GRXCR1: variants seen among roughly 807,000 people sequenced by gnomAD.
GRXCR1 encodes glutaredoxin domain-containing cysteine-rich protein 1.
GRXCR1 carries 27 observed loss-of-function variants against 27.3 expected under a neutral mutation model. The ratio of observed to expected loss-of-function variants is 0.99; its 90% CI spans 0.73 to 1.37. The LOEUF is 1.37. Among genes scored for constraint, GRXCR1 ranks in the 40% most tolerant of loss-of-function variants. The pLI is 0.00. For synonymous variants in GRXCR1, 122 were observed against 131.1 expected, an observed-to-expected ratio of 0.93 and a Z score of 0.47; for missense variants, 379 against 354.4, an observed-to-expected ratio of 1.07 and a Z score of -0.56.
chr4:42,967,806 G>A (rs989764672), intron 2 of GRXCR1, among the ~76,000 whole-genome samples: 4 of 151,980 alleles, frequency 2.6e-5, no homozygotes, highest in Non-Finnish European at 4.4e-5. Context: ...TGTTTCTTAA[G>A]GTTTTCTAGT....
intron 2 of GRXCR1, among the ~76,000 whole-genome samples, chr4:42,972,354 A>C (rs796593173): frequency 6.6e-6 from 1 of 152,108 alleles, no homozygotes; most frequent in Non-Finnish European, 1.5e-5. Flanking sequence ...TTTGGATCTT[A>C]TTTGGTAATA....
intron 2 of GRXCR1, among the ~76,000 whole-genome samples, chr4:43,015,687 A>G (rs1712908804): frequency 6.6e-6 from 1 of 151,868 alleles, no homozygotes; most frequent in Admixed American, 6.6e-5. Flanking sequence ...CTATTTTATT[A>G]TACTATGTTA....
intron 2 of GRXCR1, among the ~76,000 whole-genome samples, chr4:43,014,394 A>G (rs537080690): frequency 6.6e-6 from 1 of 152,142 alleles, no homozygotes; most frequent in South Asian, 2.1e-4. Context: ...TAGTCACAGC[A>G]ACAAACATTT....
At chr4:42,900,892 C>T (rs116706559) in intron 1 of GRXCR1, among the ~76,000 whole-genome samples, 1 of 152,084 alleles carries the variant, frequency 6.6e-6, no homozygotes, top group Non-Finnish European at 1.5e-5. Flanking sequence ...CTAATCCATG[C>T]CACAGGGCAA....
At chr4:42,906,193 A>G (rs1421765495) in intron 1 of GRXCR1, among the ~76,000 whole-genome samples, 1 of 152,146 alleles carries the variant, frequency 6.6e-6, no homozygotes, top group Non-Finnish European at 1.5e-5. Flanking sequence ...ACAGTTTTTC[A>G]TTAACAGCAG....
intron 1 of GRXCR1, among the ~76,000 whole-genome samples, chr4:42,949,361 A>T (rs1454517347): frequency 6.7e-6 from 1 of 150,314 alleles, no homozygotes; most frequent in Non-Finnish European, 1.5e-5. Context: ...TCTCAAAAAA[A>T]AAAAAAAAAA....
At chr4:42,963,345 CA>C (rs1748171462) in intron 2 of GRXCR1, among the ~76,000 whole-genome samples, 1 of 151,930 alleles carries the variant, frequency 6.6e-6, no homozygotes. Context: ...ATAAAATCAA[CA>C]AGAAACTGCA....
chr4:42,947,306 T>C (rs1236061102), intron 1 of GRXCR1, among the ~76,000 whole-genome samples: 2 of 151,940 alleles, frequency 1.3e-5, no homozygotes, highest in African/African-American at 2.4e-5. Flanking sequence ...ACCAGACATG[T>C]CAGGGAAAAC....
At chr4:43,001,755 C>T (rs1271415944) in intron 2 of GRXCR1, among the ~76,000 whole-genome samples, 4 of 152,208 alleles carry the variant, frequency 2.6e-5, no homozygotes, top group Non-Finnish European at 2.9e-5. Context: ...TCCAGGGGAC[C>T]GGTGCTCCAG....
At chr4:42,937,775 T>A (rs1382944261) in intron 1 of GRXCR1, among the ~76,000 whole-genome samples, 1 of 152,018 alleles carries the variant, frequency 6.6e-6, no homozygotes, top group East Asian at 1.9e-4. Context: ...CATATGTTTT[T>A]AAAGTTTTTA....
At chr4:42,964,370 C>T (rs993475471) in intron 2 of GRXCR1, among the ~76,000 whole-genome samples, 2 of 151,936 alleles carry the variant, frequency 1.3e-5, no homozygotes, top group Non-Finnish European at 2.9e-5. Flanking sequence ...GCACTGGGGT[C>T]AGACAGACTT....
chr4:42,984,638 AGGCTAGAAGCCTGGGGGCTGCTGGGACT>A (rs1711623898), intron 2 of GRXCR1, among the ~76,000 whole-genome samples: 1 of 152,338 alleles, frequency 6.6e-6, no homozygotes, highest in African/African-American at 2.4e-5. Context: ...GTTCTGGGAC[AGGCTAGAAGCCTGGGGGCTGCTGGGACT>A]GGCTTGGTGC....
At chr4:42,941,110 A>G (rs146029762) in intron 1 of GRXCR1, among the ~76,000 whole-genome samples, 1 of 152,124 alleles carries the variant, frequency 6.6e-6, no homozygotes, top group African/African-American at 2.4e-5. Context: ...CTCTGCCTCA[A>G]TTTCTTCCTC....
chr4:42,969,552 G>T (rs145084045), intron 2 of GRXCR1, among the ~76,000 whole-genome samples: 1 of 152,070 alleles, frequency 6.6e-6, no homozygotes, highest in Non-Finnish European at 1.5e-5. Context: ...GGTGGAGCAC[G>T]GGAGAGAGAG....
intron 2 of GRXCR1, among the ~76,000 whole-genome samples, chr4:43,000,432 C>T (rs141913670): frequency 0.011 from 1,550 of 143,416 alleles, 15 homozygotes; most frequent in African/African-American, 0.023. Flanking sequence ...GCCAAGAATG[C>T]GCCACTGCAC....
At chr4:42,987,251 ATAT>A in intron 2 of GRXCR1, among the ~76,000 whole-genome samples, 2 of 81,762 alleles carry the variant, frequency 2.4e-5, no homozygotes, top group African/African-American at 1.0e-4. Context: ...AATATATAAT[ATAT>A]ATATATAATA....
At chr4:42,954,633 A>G (rs1341770328) in intron 1 of GRXCR1, among the ~76,000 whole-genome samples, 3 of 152,144 alleles carry the variant, frequency 2.0e-5, no homozygotes, top group Non-Finnish European at 4.4e-5. Flanking sequence ...GCATATAAAT[A>G]TGCAGCAGTC....
intron 1 of GRXCR1, among the ~76,000 whole-genome samples, chr4:42,920,746 C>A (rs1746990145): frequency 6.6e-6 from 1 of 152,088 alleles, no homozygotes; most frequent in African/African-American, 2.4e-5. Flanking sequence ...TTTGGAATAT[C>A]AAATATGTAC....
At chr4:42,977,048 A>G (rs945020731) in intron 2 of GRXCR1, among the ~76,000 whole-genome samples, 3 of 152,002 alleles carry the variant, frequency 2.0e-5, no homozygotes, top group Non-Finnish European at 4.4e-5. Context: ...GATTCCACAT[A>G]TATCTGAGAT....
Sources: gnomAD v4.1 joint callset for allele counts (sites outside exome capture counted in the v4.1 genomes callset) on GRCh38, gnomAD v4.1.1 for gene constraint, MANE v1.5 for transcripts, NCBI Gene and HGNC (gene_info 2026-07-23, HGNC 2026-07-21) for gene names.